ATP10B: variants seen among roughly 807,000 people sequenced by gnomAD.
ATP10B encodes phospholipid-transporting ATPase VB.
A neutral mutation model predicts 141.2 loss-of-function variants in ATP10B; 122 were observed. That is an observed-to-expected ratio of 0.86 (90% CI 0.75 to 1.00). The LOEUF (loss-of-function observed/expected upper bound fraction) is 1.00. Among genes scored for constraint, ATP10B ranks in the 50% least tolerant of loss-of-function variants. The pLI is 0.00. For missense variants in ATP10B, 1,876 were observed against 1,825.3 expected, an observed-to-expected ratio of 1.03 and a Z score of -0.51; for synonymous variants, 685 against 692.0, an observed-to-expected ratio of 0.99 and a Z score of 0.16.
At chr5:160,921,561 G>A in the ATP10B span, among the ~76,000 whole-genome samples, 1 of 152,208 alleles carries the variant, frequency 6.6e-6, no homozygotes, top group African/African-American at 2.4e-5. Flanking sequence ...TTTCCGCAAT[G>A]TCTGGCTAGA....
intron 1 of ATP10B, among the ~76,000 whole-genome samples, chr5:160,812,095 G>T (rs1773219438): frequency 6.6e-6 from 1 of 151,614 alleles, no homozygotes. Context: ...TTGGGAGAAA[G>T]TAAGGGAAGA....
chr5:160,817,944 A>G lies in ATP10B; in HGVS notation c.-575-32141T>C, dbSNP rs192092224. Among the ~76,000 whole-genome samples the G allele has an allele frequency of 3.1e-3, 468 of 152,342 alleles. 5 individuals are homozygous for G. Among genetic ancestry groups the G allele is most frequent in the African/African-American group, 0.011 (450 of 41,584 alleles). On this transcript the variant is annotated intron_variant, in intron 1 of 25. Transcript: ENST00000327245. Reference sequence around the variant, plus strand: ...ATGGTGCTGGGGGAACTGGCTAGCCATATGTAGGAAGCTGAAACTGGATCC... The same window carrying G: ...ATGGTGCTGGGGGAACTGGCTAGCCGTATGTAGGAAGCTGAAACTGGATCC...
At chr5:160,799,849 T>C (rs149311882) in intron 1 of ATP10B, among the ~76,000 whole-genome samples, 71 of 152,312 alleles carry the variant, frequency 4.7e-4, no homozygotes, top group African/African-American at 1.6e-3. Flanking sequence ...TTCCTTAAAA[T>C]TGATGGATTC....
chr5:160,798,738 TTCTC>T (rs1366597888), intron 1 of ATP10B, among the ~76,000 whole-genome samples: 11 of 146,690 alleles, frequency 7.5e-5, no homozygotes, highest in African/African-American at 2.8e-4. Context: ...AAAAGACTTT[TTCTC>T]TATTTTTTTT....
chr5:160,873,811 AT>A, the ATP10B span, among the ~76,000 whole-genome samples: 1 of 152,222 alleles, frequency 6.6e-6, no homozygotes, highest in Non-Finnish European at 1.5e-5. Flanking sequence ...CCACCTGAAT[AT>A]TGCGCTTTTC....
At chr5:160,739,535 T>G (rs1160588587) in intron 2 of ATP10B, among the ~76,000 whole-genome samples, 6 of 152,082 alleles carry the variant, frequency 3.9e-5, no homozygotes, top group Non-Finnish European at 5.9e-5. Flanking sequence ...AAAATAAAAT[T>G]GAAATAACTC....
chr5:160,871,557 A>G, the ATP10B span, among the ~76,000 whole-genome samples: 6 of 152,096 alleles, frequency 3.9e-5, no homozygotes, highest in African/African-American at 7.2e-5. Context: ...AGTCCATTGC[A>G]TCATTCTTAT....
chr5:160,609,268 C>T (rs1426142145), intron 18 of ATP10B, among the ~76,000 whole-genome samples: 1 of 152,022 alleles, frequency 6.6e-6, no homozygotes, highest in Non-Finnish European at 1.5e-5. Context: ...AAGTACAAGT[C>T]ATATACAGAT....
At chr5:160,855,763 G>C (rs1011244897), upstream of ATP10B, among the ~76,000 whole-genome samples, 1 of 151,256 alleles carries the variant, frequency 6.6e-6, no homozygotes, top group Middle Eastern at 3.4e-3. Context: ...GTTAAATTTT[G>C]TGTAAACTGT....
At chr5:160,766,766 C>T (rs1769469079) in intron 2 of ATP10B, among the ~76,000 whole-genome samples, 2 of 152,174 alleles carry the variant, frequency 1.3e-5, no homozygotes, top group South Asian at 4.1e-4. Context: ...GTTAGAAGGA[C>T]ATGATCTTAG....
intron 22 of ATP10B, 121 bp downstream of exon 22, chr5:160,598,649 C>T (rs894517903): frequency 1.7e-5 from 14 of 845,108 alleles, no homozygotes; most frequent in Non-Finnish European, 2.5e-5. Flanking sequence ...AATGATGGAA[C>T]AGTGGTCAGA....
intron 2 of ATP10B, among the ~76,000 whole-genome samples, chr5:160,726,368 T>G (rs1766358673): frequency 6.6e-6 from 1 of 152,116 alleles, no homozygotes; most frequent in African/African-American, 2.4e-5. Context: ...AGCCTGAGTA[T>G]TTTTGGAAAA....
intron 18 of ATP10B, among the ~76,000 whole-genome samples, chr5:160,608,535 C>T (rs1757531430): frequency 6.6e-6 from 1 of 152,110 alleles, no homozygotes. Flanking sequence ...AACTAGTTTA[C>T]ACGCCCACCG....
chr5:160,795,384 G>T, intron 1 of ATP10B, among the ~76,000 whole-genome samples: 1 of 152,112 alleles, frequency 6.6e-6, no homozygotes, highest in Middle Eastern at 3.2e-3. Flanking sequence ...GGTGTCTACT[G>T]TACTCTCTTG....
intron 2 of ATP10B, among the ~76,000 whole-genome samples, chr5:160,719,196 C>G (rs536088472): frequency 1.3e-5 from 2 of 152,072 alleles, no homozygotes; most frequent in Non-Finnish European, 2.9e-5. Flanking sequence ...GTCAGGAGAT[C>G]GAGACCATCC....
chr5:160,636,245 G>T lies in ATP10B; in HGVS notation c.1065C>A (p.Gly355=), dbSNP rs774080185. 8.1e-6 allele frequency: 13 copies of T among 1,613,580 alleles called. No individual in the cohort carries two copies. The highest frequency in any genetic ancestry group is 5.3e-5 in the African/African-American group (4 of 74,922). ...HPPFDVPDAN[G]SFLPSALGGF... ...CCCCAAGGGCACTGGGAAGGAAGCT[G>T]CCATTGGCATCTGGCACATCGAAGG... The change falls in exon 11 of 26, where the codon GGC becomes GGA. Residue 355 remains glycine, a synonymous_variant. Coordinates refer to ENST00000327245, the MANE Select transcript of ATP10B (RefSeq NM_025153.3).
At chr5:160,776,938 A>C (rs1770374322) in intron 2 of ATP10B, among the ~76,000 whole-genome samples, 1 of 152,202 alleles carries the variant, frequency 6.6e-6, no homozygotes, top group Admixed American at 6.5e-5. Flanking sequence ...CCAACCAGGA[A>C]GGCAAGGGAA....
At chr5:160,695,363 G>C (rs902908853) in intron 3 of ATP10B, among the ~76,000 whole-genome samples, 12 of 151,224 alleles carry the variant, frequency 7.9e-5, no homozygotes, top group Admixed American at 7.9e-4. Flanking sequence ...AAAAGAGAGA[G>C]GGTGCAGTGA....
the ATP10B span, among the ~76,000 whole-genome samples, chr5:160,920,188 C>T: frequency 6.6e-6 from 1 of 152,180 alleles, no homozygotes; most frequent in Admixed American, 6.5e-5. Context: ...ATCTCTGACA[C>T]CATCTCATGA....
Sources: gnomAD v4.1 joint callset for allele counts (sites outside exome capture counted in the v4.1 genomes callset) on GRCh38, gnomAD v4.1.1 for gene constraint, MANE v1.5 for transcripts, NCBI Gene and HGNC (gene_info 2026-07-23, HGNC 2026-07-21) for gene names.